GRIK2: variants seen among roughly 807,000 people sequenced by gnomAD.
GRIK2 encodes glutamate ionotropic receptor kainate type subunit 2.
Under a neutral mutation model 100.3 loss-of-function variants are expected in GRIK2, and 32 were observed. That is an observed-to-expected ratio of 0.32 (90% confidence interval 0.24 to 0.43). GRIK2 has a LOEUF of 0.43. Among genes scored for constraint, GRIK2 ranks in the 20% least tolerant of loss-of-function variants. The pLI is 1.00. For missense variants in GRIK2, 843 were observed against 1,114.9 expected (o/e 0.76, Z 3.47); for synonymous variants, 417 against 389.4 (o/e 1.07, Z -0.83).
At chr6:101,995,983 A>G (rs1226519669) in intron 14 of GRIK2, among the ~76,000 whole-genome samples, 4 of 152,068 alleles carry the variant, frequency 2.6e-5, no homozygotes, top group Admixed American at 2.0e-4. Flanking sequence ...CAAGGAGAAT[A>G]TAAGAACGGC....
At chr6:101,412,128 C>G (rs1384146663) in intron 2 of GRIK2, among the ~76,000 whole-genome samples, 5 of 151,966 alleles carry the variant, frequency 3.3e-5, no homozygotes. Flanking sequence ...ATTCCCATCC[C>G]TAATGCTCTG....
chr6:101,446,446 A>G (rs1463761271), intron 2 of GRIK2, among the ~76,000 whole-genome samples: 4 of 151,928 alleles, frequency 2.6e-5, no homozygotes, highest in Non-Finnish European at 5.9e-5. Flanking sequence ...GTTACAATGA[A>G]TAGATTTAAA....
At chr6:101,415,227 A>C in intron 2 of GRIK2, among the ~76,000 whole-genome samples, 1 of 152,170 alleles carries the variant, frequency 6.6e-6, no homozygotes, top group East Asian at 1.9e-4. Context: ...ATAGAAAATT[A>C]TAAATAAATA....
intron 11 of GRIK2, among the ~76,000 whole-genome samples, chr6:101,880,444 A>G (rs919440733): frequency 6.6e-6 from 1 of 151,978 alleles, no homozygotes; most frequent in African/African-American, 2.4e-5. Flanking sequence ...TCTTGCTTCA[A>G]AGAGTTGTGT....
At chr6:101,425,694 T>C (rs1181577115) in intron 2 of GRIK2, among the ~76,000 whole-genome samples, 2 of 152,232 alleles carry the variant, frequency 1.3e-5, no homozygotes, top group African/African-American at 4.8e-5. Context: ...AAATTTATGA[T>C]AGACTGATTT....
chr6:101,862,702 G>A (rs527709632), intron 11 of GRIK2, among the ~76,000 whole-genome samples: 35 of 151,894 alleles, frequency 2.3e-4, no homozygotes, highest in Non-Finnish European at 4.3e-4. Flanking sequence ...TGGGATTATC[G>A]ACATGAGCCA....
chr6:101,465,961 C>T (rs186755223), intron 2 of GRIK2, among the ~76,000 whole-genome samples: 113 of 152,274 alleles, frequency 7.4e-4, no homozygotes, highest in Non-Finnish European at 1.4e-3. Context: ...GTAAGATTGT[C>T]TTCCCACATG....
At chr6:101,707,720 C>T (rs1405850769) in intron 7 of GRIK2, among the ~76,000 whole-genome samples, 2 of 150,412 alleles carry the variant, frequency 1.3e-5, no homozygotes, top group Non-Finnish European at 3.0e-5. Flanking sequence ...GAAAGGTGCT[C>T]AACTTACTTT....
At chr6:101,564,522 T>C (rs1403591702) in intron 2 of GRIK2, among the ~76,000 whole-genome samples, 1 of 152,154 alleles carries the variant, frequency 6.6e-6, no homozygotes, top group African/African-American at 2.4e-5. Flanking sequence ...CCTGTATGTC[T>C]AGCAAAGACA....
At chr6:101,415,365 CTTTTTT>C (rs55751504) in intron 2 of GRIK2, among the ~76,000 whole-genome samples, 1 of 100,740 alleles carries the variant, frequency 9.9e-6, no homozygotes. Context: ...TTTTCCATAA[CTTTTTT>C]TTTTTTTTTT....
At chr6:101,504,353 A>T (rs1166453229) in intron 2 of GRIK2, among the ~76,000 whole-genome samples, 1 of 152,036 alleles carries the variant, frequency 6.6e-6, no homozygotes, top group Non-Finnish European at 1.5e-5. Flanking sequence ...TTATTATATG[A>T]CTATAGCAAA....
intron 2 of GRIK2, among the ~76,000 whole-genome samples, chr6:101,534,722 T>C (rs1775605402): frequency 6.6e-6 from 1 of 151,864 alleles, no homozygotes; most frequent in Non-Finnish European, 1.5e-5. Flanking sequence ...AGCTACGAAA[T>C]GAATCATTCT....
chr6:102,042,365 A>G (rs1320260518), intron 15 of GRIK2, among the ~76,000 whole-genome samples: 2 of 151,692 alleles, frequency 1.3e-5, no homozygotes. Context: ...TAAAATATAA[A>G]CATAAATCAT....
chr6:101,709,445 C>T (rs979840663), intron 7 of GRIK2, among the ~76,000 whole-genome samples: 3 of 151,800 alleles, frequency 2.0e-5, no homozygotes, highest in African/African-American at 7.2e-5. Context: ...TACTTTATTA[C>T]TCTGTCTATT....
At chr6:101,408,171 C>A (rs1017239690) in intron 2 of GRIK2, among the ~76,000 whole-genome samples, 3 of 152,044 alleles carry the variant, frequency 2.0e-5, no homozygotes. Context: ...AATAAGCAGT[C>A]AAATGATTTT....
chr6:101,884,772 T>G (rs1786500012), intron 11 of GRIK2, among the ~76,000 whole-genome samples: 2 of 152,148 alleles, frequency 1.3e-5, no homozygotes, highest in Non-Finnish European at 2.9e-5. Context: ...TTTGAAAATT[T>G]TAGTAAGTTA....
At chr6:101,545,997 C>T (rs866047286) in intron 2 of GRIK2, among the ~76,000 whole-genome samples, 4 of 151,814 alleles carry the variant, frequency 2.6e-5, no homozygotes, top group Middle Eastern at 3.4e-3. Flanking sequence ...TCTCCTGCAT[C>T]CAGTGCCCCA....
intron 14 of GRIK2, among the ~76,000 whole-genome samples, chr6:102,026,705 A>G (rs1430035072): frequency 1.3e-5 from 2 of 151,188 alleles, no homozygotes; most frequent in African/African-American, 4.8e-5. Flanking sequence ...TTCCTCTATT[A>G]ACTCACACTA....
chr6:101,443,103 G>T (rs544102395), intron 2 of GRIK2, among the ~76,000 whole-genome samples: 3 of 152,092 alleles, frequency 2.0e-5, no homozygotes, highest in South Asian at 4.2e-4. Context: ...CCTTGAGATT[G>T]TCAAGGTGTC....
Sources: gnomAD v4.1 joint callset for allele counts (sites outside exome capture counted in the v4.1 genomes callset) on GRCh38, gnomAD v4.1.1 for gene constraint, MANE v1.5 for transcripts, NCBI Gene and HGNC (gene_info 2026-07-23, HGNC 2026-07-21) for gene names.